TACR3: variants seen among roughly 807,000 people sequenced by gnomAD.
TACR3 encodes the protein neuromedin-K receptor.
A neutral mutation model predicts 35.0 loss-of-function variants in TACR3; 34 were observed. The ratio of observed to expected loss-of-function variants is 0.97; its 90% CI spans 0.74 to 1.30. TACR3 has a LOEUF of 1.30. Ranked by LOEUF, TACR3 falls within the 50% of genes most tolerant of loss-of-function variation. TACR3 has a pLI of 0.00. For missense variants in TACR3, 558 were observed against 591.7 expected, an observed-to-expected ratio of 0.94 and a Z score of 0.59; for synonymous variants, 233 against 221.1, an observed-to-expected ratio of 1.05 and a Z score of -0.48.
At chr4:103,684,415 CA>C (rs528891045) in intron 1 of TACR3, among the ~76,000 whole-genome samples, 227 of 152,168 alleles carry the variant, frequency 1.5e-3, no homozygotes, top group Non-Finnish European at 2.6e-3. Context: ...TTTTATTTAT[CA>C]GCAATGAACA....
Position 103,710,150 on chromosome 4 carries a change from A to G in TACR3, c.548+8978T>C, listed in dbSNP as rs541837932. On this transcript the variant is annotated intron_variant, in intron 1 of 4. Coordinates refer to ENST00000304883, the MANE Select transcript of TACR3 (RefSeq NM_001059.3). ...AGGAATTGAACTCAGCTCTGCACCA[A>G]GTGGACCTAATAGACATCTACAGAA... 7.5e-4 allele frequency among the ~76,000 whole-genome samples: 114 copies of G among 152,340 alleles called. 1 individual carries two copies. The highest frequency in any genetic ancestry group is 2.6e-3 in the African/African-American group (108 of 41,578).
At chr4:103,700,736 C>T (rs1258181468) in intron 1 of TACR3, among the ~76,000 whole-genome samples, 2 of 152,150 alleles carry the variant, frequency 1.3e-5, no homozygotes, top group East Asian at 1.9e-4. Flanking sequence ...GGATGCAAGG[C>T]TGGTTCAACA....
intron 1 of TACR3, among the ~76,000 whole-genome samples, chr4:103,691,909 C>T (rs1004564541): frequency 1.3e-5 from 2 of 152,166 alleles, no homozygotes; most frequent in African/African-American, 4.8e-5. Flanking sequence ...AGAAACAATG[C>T]TAATGACTGG....
chr4:103,688,842 G>A (rs1044099834), intron 1 of TACR3, among the ~76,000 whole-genome samples: 31 of 152,262 alleles, frequency 2.0e-4, no homozygotes, highest in South Asian at 8.3e-4. Context: ...GCAGTGTGGC[G>A]ATTCCTCAGG....
rs115744833 is a variant in TACR3, at chr4:103,696,147, T to G, written c.548+22981A>C. Among the ~76,000 whole-genome samples, 925 of 152,270 alleles carry G rather than the reference T, an allele frequency of 6.1e-3. 11 individuals carry two copies. The highest frequency in any genetic ancestry group is 0.022 in the African/African-American group (894 of 41,572). On this transcript the variant is annotated intron_variant, in intron 1 of 4. Coordinates refer to ENST00000304883, the MANE Select transcript of TACR3 (RefSeq NM_001059.3). ...AAAGAGTATCTATTGATTACCAAAC[T>G]TAGGCAATTAGGCTGTGATTTTTTT...
rs370467683 is a variant in TACR3, at chr4:103,654,159, A to G, written c.888+2035T>C. Among the ~76,000 whole-genome samples, 22 of 151,772 alleles carry G rather than the reference A, an allele frequency of 1.4e-4. No individual in the cohort carries two copies. In the East Asian group the frequency reaches 3.7e-3, roughly 26 times the overall value. On this transcript the variant is annotated intron_variant, in intron 3 of 4. Transcript: ENST00000304883. ...TGTGGCGATTCCTCAGGGATCTAGA[A>G]CTAGAAATACCATTTGACCCAGCCT... is the stretch of plus-strand genomic sequence containing the variant.
chr4:103,716,214 CTT>C (rs1491273057), intron 1 of TACR3, among the ~76,000 whole-genome samples: 2 of 127,310 alleles, frequency 1.6e-5, no homozygotes, highest in South Asian at 2.6e-4. Flanking sequence ...ATAATTTTAT[CTT>C]GTGTGTGTGT....
chr4:103,652,928 A>C (rs1239190788), intron 3 of TACR3, among the ~76,000 whole-genome samples: 1 of 152,112 alleles, frequency 6.6e-6, no homozygotes, highest in Non-Finnish European at 1.5e-5. Context: ...ACAACTCCAG[A>C]ACAATATTTT....
intron 1 of TACR3, among the ~76,000 whole-genome samples, chr4:103,712,428 A>G (rs1329272465): frequency 1.3e-5 from 2 of 152,228 alleles, no homozygotes; most frequent in Admixed American, 6.5e-5. Flanking sequence ...CATATGTAGA[A>G]AGCTGAAACT....
intron 1 of TACR3, among the ~76,000 whole-genome samples, chr4:103,697,346 T>A (rs1479748318): frequency 2.0e-5 from 3 of 152,198 alleles, no homozygotes; most frequent in Non-Finnish European, 4.4e-5. Context: ...TATGACGTGG[T>A]AACTGAAATG....
At chr4:103,691,736 C>A (rs10029294) in intron 1 of TACR3, among the ~76,000 whole-genome samples, 1 of 152,068 alleles carries the variant, frequency 6.6e-6, no homozygotes, top group African/African-American at 2.4e-5. Flanking sequence ...CTGCCCAGGG[C>A]GGAAAACTGC....
chr4:103,631,871 G>T (rs1725074448), intron 3 of TACR3, among the ~76,000 whole-genome samples: 1 of 152,144 alleles, frequency 6.6e-6, no homozygotes, highest in Non-Finnish European at 1.5e-5. Flanking sequence ...CCTAGAATTT[G>T]CTTGTGATAA....
intron 3 of TACR3, among the ~76,000 whole-genome samples, chr4:103,617,201 G>A (rs1724678826): frequency 6.6e-6 from 1 of 152,030 alleles, no homozygotes; most frequent in African/African-American, 2.4e-5. Flanking sequence ...TAGCAGGGAA[G>A]ACCTTTAAAT....
chr4:103,589,816 T>A lies in TACR3; in HGVS notation c.1264A>T (p.Arg422Trp). ...GTTGCTCTTTTCTTCCGACTGGACC[T>A]GGTGGTGTCTGCATCGTTGGGGTCA... Reference protein sequence around the residue: ...VFDPNDADTTRSSRKKRATPR... With the variant: ...VFDPNDADTTWSSRKKRATPR... The change falls in exon 5 of 5, where the codon AGG becomes TGG. Residue 422 changes from arginine to tryptophan, a missense_variant. Coordinates refer to ENST00000304883, the MANE Select transcript of TACR3 (RefSeq NM_001059.3). 1 of 1,613,996 alleles carries A rather than the reference T, an allele frequency of 6.2e-7. No homozygotes were observed. Among genetic ancestry groups the A allele is most frequent in the South Asian group, 1.1e-5 (1 of 91,084 alleles).
At chr4:103,626,224 C>T (rs1292912590) in intron 3 of TACR3, among the ~76,000 whole-genome samples, 1 of 152,116 alleles carries the variant, frequency 6.6e-6, no homozygotes, top group African/African-American at 2.4e-5. Context: ...TAGGTAGATC[C>T]ATGTTGAGTC....
At chr4:103,706,923 CA>C (rs1454788100) in intron 1 of TACR3, among the ~76,000 whole-genome samples, 1 of 152,056 alleles carries the variant, frequency 6.6e-6, no homozygotes, top group Non-Finnish European at 1.5e-5. Context: ...TCAAATGAGA[CA>C]AAAAGATACT....
intron 1 of TACR3, among the ~76,000 whole-genome samples, chr4:103,697,720 A>T: frequency 6.6e-6 from 1 of 152,074 alleles, no homozygotes; most frequent in Non-Finnish European, 1.5e-5. Flanking sequence ...CACTGCGCCC[A>T]GCCGGCACTT....
chr4:103,683,913 T>C (rs1405301324), intron 1 of TACR3, among the ~76,000 whole-genome samples: 1 of 151,978 alleles, frequency 6.6e-6, no homozygotes, highest in Non-Finnish European at 1.5e-5. Context: ...CCAAAAATGG[T>C]ATTTGTTTAC....
At chr4:103,674,247 GA>G (rs1266314064) in intron 1 of TACR3, among the ~76,000 whole-genome samples, 1 of 151,530 alleles carries the variant, frequency 6.6e-6, no homozygotes, top group African/African-American at 2.4e-5. Flanking sequence ...CAGTTTCTAT[GA>G]GAAAAATGAC....
Sources: gnomAD v4.1 joint callset for allele counts (sites outside exome capture counted in the v4.1 genomes callset) on GRCh38, gnomAD v4.1.1 for gene constraint, MANE v1.5 for transcripts, NCBI Gene and HGNC (gene_info 2026-07-23, HGNC 2026-07-21) for gene names.